RUNX1T1: variants seen among roughly 807,000 people sequenced by gnomAD.
The protein encoded by RUNX1T1 is RUNX1 partner transcriptional co-repressor 1.
Under a neutral mutation model 62.8 loss-of-function variants are expected in RUNX1T1, and 4 were observed. The ratio of observed to expected loss-of-function variants is 0.06; its 90% CI spans 0.03 to 0.15. The LOEUF (loss-of-function observed/expected upper bound fraction) is 0.15. RUNX1T1 is among the 10% of genes least tolerant of loss of function. The pLI, the probability that RUNX1T1 is intolerant of heterozygous loss-of-function variation, is 1.00. For synonymous variants in RUNX1T1, 291 were observed against 286.0 expected, an observed-to-expected ratio of 1.02 and a Z score of -0.18; for missense variants, 508 against 754.3, an observed-to-expected ratio of 0.67 and a Z score of 3.82.
chr8:92,015,679 A>T (rs1822851585), intron 2 of RUNX1T1, among the ~76,000 whole-genome samples: 1 of 152,252 alleles, frequency 6.6e-6, no homozygotes, highest in Non-Finnish European at 1.5e-5. Context: ...TGTTGATTTT[A>T]TCATGTTAAG....
intron 1 of RUNX1T1, among the ~76,000 whole-genome samples, chr8:92,056,930 G>A (rs934117634): frequency 7.2e-5 from 11 of 152,118 alleles, no homozygotes; most frequent in African/African-American, 2.7e-4. Flanking sequence ...CAAGAAAGGT[G>A]ATATTTCAGT....
chr8:92,005,334 A>G (rs1820542830), intron 4 of RUNX1T1, 37 bp from the exon 6 acceptor site: 19 of 1,591,560 alleles, frequency 1.2e-5, no homozygotes, highest in Non-Finnish European at 1.6e-5. Flanking sequence ...GACGGACTGA[A>G]AGTTTTCTTC....
At chr8:91,961,871 T>TGACG (rs1039229107) in intron 10 of RUNX1T1, among the ~76,000 whole-genome samples, 1 of 152,244 alleles carries the variant, frequency 6.6e-6, no homozygotes, top group African/African-American at 2.4e-5. Flanking sequence ...CCCAAACAGC[T>TGACG]GACGCTATGT....
intron 1 of RUNX1T1, among the ~76,000 whole-genome samples, chr8:92,034,715 CAT>C (rs895066249): frequency 6.0e-5 from 9 of 149,506 alleles, no homozygotes; most frequent in Non-Finnish European, 7.4e-5. Flanking sequence ...TATATATACA[CAT>C]ATATATACAC....
At chr8:92,041,574 C>T (rs1828461626) in intron 1 of RUNX1T1, among the ~76,000 whole-genome samples, 2 of 152,050 alleles carry the variant, frequency 1.3e-5, no homozygotes, top group South Asian at 4.2e-4. Flanking sequence ...AACCCCATCC[C>T]TACTAAAAAT....
At chr8:92,093,331 T>G (rs1481687745) in intron 1 of RUNX1T1, among the ~76,000 whole-genome samples, 11 of 152,080 alleles carry the variant, frequency 7.2e-5, no homozygotes, top group African/African-American at 2.4e-4. Flanking sequence ...ATATTCACTC[T>G]CTGTATGGTT....
exon 11 of RUNX1T1, chr8:91,960,284 G>A: frequency 6.2e-7 from 1 of 1,610,194 alleles, no homozygotes; most frequent in East Asian, 2.2e-5. Context: ...TTCCCGGGGT[G>A]GTTGACCTCG....
intron 1 of RUNX1T1, among the ~76,000 whole-genome samples, chr8:92,022,137 C>G (rs984353285): frequency 1.4e-5 from 2 of 146,574 alleles, no homozygotes; most frequent in African/African-American, 5.1e-5. Flanking sequence ...AAAATTCCTC[C>G]TGAGGAGGAT....
At chr8:92,056,385 G>A (rs1202361291) in intron 1 of RUNX1T1, among the ~76,000 whole-genome samples, 3 of 152,140 alleles carry the variant, frequency 2.0e-5, no homozygotes, top group Non-Finnish European at 4.4e-5. Context: ...AGCTCTTAAA[G>A]TGAAACTCTT....
At chr8:92,008,386 T>A (rs868255248) in intron 4 of RUNX1T1, among the ~76,000 whole-genome samples, 200 of 49,112 alleles carry the variant, frequency 4.1e-3, no homozygotes, top group African/African-American at 9.4e-3. Flanking sequence ...TCTCTCTCTC[T>A]CTCACACACA....
chr8:92,004,518 G>A (rs1416113383), intron 5 of RUNX1T1: 1 of 152,154 alleles, frequency 6.6e-6, no homozygotes, highest in Non-Finnish European at 1.5e-5. Flanking sequence ...TTAGTTATGA[G>A]AGCACAGTAT....
chr8:92,095,124 T>G (rs1185573559), intron 1 of RUNX1T1: 1 of 1,535,578 alleles, frequency 6.5e-7, no homozygotes, highest in Non-Finnish European at 8.7e-7. Flanking sequence ...AAAGGCAGAT[T>G]TCTCTTTCTC....
At chr8:92,000,735 T>C (rs1448177541) in intron 5 of RUNX1T1, among the ~76,000 whole-genome samples, 1 of 152,202 alleles carries the variant, frequency 6.6e-6, no homozygotes, top group Non-Finnish European at 1.5e-5. Context: ...AACTGACTCA[T>C]TAAGCCAGGA....
exon 10 of RUNX1T1, chr8:91,970,756 T>C: frequency 6.2e-7 from 1 of 1,613,884 alleles, no homozygotes; most frequent in Non-Finnish European, 8.5e-7. Context: ...GCCCTCTCTG[T>C]TGTGATCATG....
At chr8:92,030,518 T>C (rs545064955) in intron 1 of RUNX1T1, among the ~76,000 whole-genome samples, 54 of 152,202 alleles carry the variant, frequency 3.5e-4, no homozygotes, top group Non-Finnish European at 7.8e-4. Flanking sequence ...TCTTCAGTAA[T>C]AGAAAGAATA....
chr8:91,955,834 G>C (rs1440111684), downstream of RUNX1T1: 1 of 227,674 alleles, frequency 4.4e-6, no homozygotes, highest in Admixed American at 5.7e-5. Context: ...TCACAGGGTA[G>C]GGGAGAAGGG....
At chr8:92,019,035 A>C (rs1823565706) in intron 1 of RUNX1T1, 1 of 152,140 alleles carries the variant, frequency 6.6e-6, no homozygotes, top group Admixed American at 6.5e-5. Flanking sequence ...GATTGCTACA[A>C]CCAGTAAGTC....
chr8:92,035,872 A>C (rs2131355741), intron 1 of RUNX1T1, among the ~76,000 whole-genome samples: 1 of 152,214 alleles, frequency 6.6e-6, no homozygotes, highest in South Asian at 2.1e-4. Context: ...TACCAGGAAA[A>C]CCATTGGGGA....
At chr8:92,082,468 T>C (rs1257910713) in intron 1 of RUNX1T1, among the ~76,000 whole-genome samples, 1 of 151,200 alleles carries the variant, frequency 6.6e-6, no homozygotes, top group Non-Finnish European at 1.5e-5. Context: ...ACTTACAAAA[T>C]TAGCTCACTC....
Sources: allele counts gnomAD v4.1 joint callset (sites outside exome capture counted in the v4.1 genomes callset), GRCh38; gene constraint gnomAD v4.1.1; transcripts MANE v1.5; gene names NCBI Gene and HGNC (gene_info 2026-07-23, HGNC 2026-07-21).